FBXO4: variants seen among roughly 807,000 people sequenced by gnomAD.
FBXO4 encodes the protein F-box only protein 4.
In FBXO4, 36 loss-of-function variants were observed where a neutral mutation model predicts 43.7. The ratio of observed to expected loss-of-function variants is 0.82; its 90% confidence interval spans 0.63 to 1.09. FBXO4 has a LOEUF of 1.09. Ranked by LOEUF, FBXO4 falls within the 50% of genes least tolerant of loss-of-function variation. The pLI is 0.00. For synonymous variants in FBXO4, 180 were observed against 165.6 expected, an observed-to-expected ratio of 1.09 and a Z score of -0.67; for missense variants, 435 against 474.1, an observed-to-expected ratio of 0.92 and a Z score of 0.77.
chr5:42,016,724 G>T, the FBXO4 span, among the ~76,000 whole-genome samples: 1 of 151,888 alleles, frequency 6.6e-6, no homozygotes, highest in African/African-American at 2.4e-5. Context: ...GTAGTGATCT[G>T]GTTGTAAAAT....
the FBXO4 span, among the ~76,000 whole-genome samples, chr5:41,999,872 T>C: frequency 8.5e-5 from 13 of 152,050 alleles, no homozygotes; most frequent in African/African-American, 2.9e-4. Flanking sequence ...TAATCTCCTT[T>C]GGCAACACCC....
the FBXO4 span, among the ~76,000 whole-genome samples, chr5:42,030,817 C>G: frequency 6.6e-6 from 1 of 152,144 alleles, no homozygotes; most frequent in Non-Finnish European, 1.5e-5. Flanking sequence ...AGACACTTCT[C>G]AAAAGAAGAC....
chr5:42,030,507 G>C, the FBXO4 span, among the ~76,000 whole-genome samples: 1 of 152,080 alleles, frequency 6.6e-6, no homozygotes, highest in South Asian at 2.1e-4. Context: ...AAAAACCCTA[G>C]AAGAAAACCT....
the FBXO4 span, among the ~76,000 whole-genome samples, chr5:42,010,563 A>G: frequency 6.6e-6 from 1 of 151,836 alleles, no homozygotes; most frequent in Non-Finnish European, 1.5e-5. Flanking sequence ...ATTTCACTTT[A>G]GGTATATATC....
chr5:41,965,030 G>T, the FBXO4 span, among the ~76,000 whole-genome samples: 2 of 152,164 alleles, frequency 1.3e-5, no homozygotes, highest in African/African-American at 4.8e-5. Context: ...TAACATTTAA[G>T]TTTTTTATCC....
the FBXO4 span, among the ~76,000 whole-genome samples, chr5:42,020,950 A>G: frequency 6.6e-6 from 1 of 152,148 alleles, no homozygotes; most frequent in South Asian, 2.1e-4. Context: ...AGGCATGCTC[A>G]AAGGACAGGA....
the FBXO4 span, among the ~76,000 whole-genome samples, chr5:42,028,531 C>A: frequency 6.6e-6 from 1 of 151,588 alleles, no homozygotes; most frequent in African/African-American, 2.4e-5. Flanking sequence ...TTCAATGTTA[C>A]TATTGAGAAG....
At chr5:41,937,863 A>G (rs1404893172) in intron 5 of FBXO4, among the ~76,000 whole-genome samples, 1 of 152,242 alleles carries the variant, frequency 6.6e-6, no homozygotes, top group African/African-American at 2.4e-5. Context: ...ATATTAATCT[A>G]CTTATAAGAG....
intron 3 of FBXO4, among the ~76,000 whole-genome samples, chr5:41,930,658 C>T (rs1751658526): frequency 6.6e-6 from 1 of 150,648 alleles, no homozygotes; most frequent in Non-Finnish European, 1.5e-5. Flanking sequence ...TTTTTTCTTT[C>T]TTTCTTTCTT....
In FBXO4 at chr5:41,927,005, T is replaced by A; in HGVS notation, c.190-8T>A. 6.5e-7 allele frequency: 1 copy of A among 1,539,042 alleles called. No homozygotes were observed. Among genetic ancestry groups the A allele is most frequent in the Non-Finnish European group, 8.8e-7 (1 of 1,137,636 alleles). The stretch of plus-strand genomic sequence containing the variant: ...CTTTTTCCTACCTGCTGCTTTCTTC[T>A]GTTTCAGATTGATGTACAGCTATAT... On this transcript the variant is annotated splice_region_variant and splice_polypyrimidine_tract_variant and intron_variant, in intron 1 of 6. Coordinates refer to ENST00000281623, the MANE Select transcript of FBXO4 (RefSeq NM_012176.3).
chr5:41,966,649 A>G, the FBXO4 span, among the ~76,000 whole-genome samples: 1 of 152,192 alleles, frequency 6.6e-6, no homozygotes, highest in Non-Finnish European at 1.5e-5. Context: ...AGACCTGGTT[A>G]CCAATCGATA....
At chr5:41,927,599 T>C in intron 2 of FBXO4, among the ~76,000 whole-genome samples, 1 of 152,204 alleles carries the variant, frequency 6.6e-6, no homozygotes, top group Middle Eastern at 3.2e-3. Flanking sequence ...ACCCCTGTTG[T>C]TTGGCAGGGA....
chr5:41,954,665 T>G, the FBXO4 span, among the ~76,000 whole-genome samples: 1 of 152,214 alleles, frequency 6.6e-6, no homozygotes, highest in Non-Finnish European at 1.5e-5. Context: ...TTTTGTTACA[T>G]ATTTTTTCAG....
chr5:41,940,294 C>T (rs559314305), intron 6 of FBXO4, among the ~76,000 whole-genome samples: 3 of 151,984 alleles, frequency 2.0e-5, no homozygotes, highest in Non-Finnish European at 2.9e-5. Flanking sequence ...GACAGGGTCT[C>T]GCTCTCACCC....
the FBXO4 span, among the ~76,000 whole-genome samples, chr5:42,023,631 G>A: frequency 6.6e-6 from 1 of 151,874 alleles, no homozygotes; most frequent in African/African-American, 2.4e-5. Flanking sequence ...CCCATCATGT[G>A]CAGACACCAA....
the FBXO4 span, among the ~76,000 whole-genome samples, chr5:41,990,969 AC>A: frequency 6.6e-6 from 1 of 152,168 alleles, no homozygotes; most frequent in Non-Finnish European, 1.5e-5. Flanking sequence ...ATTGTCATGA[AC>A]TTTATTCTAC....
chr5:42,005,206 T>C, the FBXO4 span, among the ~76,000 whole-genome samples: 1 of 152,186 alleles, frequency 6.6e-6, no homozygotes, highest in Non-Finnish European at 1.5e-5. Context: ...CATCTTCTGA[T>C]GTAATATAAC....
At chr5:42,031,548 A>G in the FBXO4 span, among the ~76,000 whole-genome samples, 1 of 151,994 alleles carries the variant, frequency 6.6e-6, no homozygotes, top group African/African-American at 2.4e-5. Context: ...AACATGGCAC[A>G]TGTATACATA....
At chr5:42,027,863 G>A in the FBXO4 span, among the ~76,000 whole-genome samples, 90 of 151,764 alleles carry the variant, frequency 5.9e-4, no homozygotes, top group Middle Eastern at 6.8e-3. Flanking sequence ...TGTTATTGAC[G>A]TTTGGTTACA....
Sources: gnomAD v4.1 joint callset for allele counts (sites outside exome capture counted in the v4.1 genomes callset) on GRCh38, gnomAD v4.1.1 for gene constraint, MANE v1.5 for transcripts, NCBI Gene and HGNC (gene_info 2026-07-23, HGNC 2026-07-21) for gene names.